Variants in C8orf34 observed in about 807,000 individuals in gnomAD.
The protein encoded by C8orf34 is chromosome 8 open reading frame 34.
In C8orf34, 65 loss-of-function variants were observed where a neutral mutation model predicts 68.3. The ratio of observed to expected loss-of-function variants is 0.95; its 90% CI spans 0.78 to 1.17. C8orf34 has a LOEUF of 1.17. Among genes scored for constraint, C8orf34 ranks in the 50% most tolerant of loss-of-function variants. The probability of loss-of-function intolerance (pLI) is 0.00; values close to 1 mark genes in which losing one functional copy is unlikely to be tolerated. For synonymous variants in C8orf34, 244 were observed against 241.2 expected (o/e 1.01, Z -0.11); for missense variants, 664 against 655.4 (o/e 1.01, Z -0.14).
At chr8:68,340,202 A>G (rs1225581687) in intron 1 of C8orf34, among the ~76,000 whole-genome samples, 1 of 152,140 alleles carries the variant, frequency 6.6e-6, no homozygotes, top group Non-Finnish European at 1.5e-5. Context: ...AAGTTTGGCA[A>G]GTGAGGTTTA....
At chr8:68,699,162 T>C (rs1820917935) in intron 8 of C8orf34, among the ~76,000 whole-genome samples, 1 of 151,400 alleles carries the variant, frequency 6.6e-6, no homozygotes, top group African/African-American at 2.4e-5. Flanking sequence ...GATTTCAAGG[T>C]GTCCTAAAAT....
At chr8:68,581,801 C>T (rs2130352755) in intron 7 of C8orf34, among the ~76,000 whole-genome samples, 1 of 152,192 alleles carries the variant, frequency 6.6e-6, no homozygotes, top group South Asian at 2.1e-4. Flanking sequence ...GGCAAGAATC[C>T]TTTATCATTG....
intron 9 of C8orf34, among the ~76,000 whole-genome samples, chr8:68,720,029 C>T (rs1390702856): frequency 1.3e-5 from 2 of 151,912 alleles, no homozygotes; most frequent in African/African-American, 4.8e-5. Context: ...GCTAGAGCTT[C>T]AAGTATTCTT....
At chr8:68,814,316 A>G (rs1239197332) in intron 12 of C8orf34, among the ~76,000 whole-genome samples, 1 of 152,218 alleles carries the variant, frequency 6.6e-6, no homozygotes, top group African/African-American at 2.4e-5. Context: ...CCTCTGGCTG[A>G]TTCTTATACA....
At chr8:68,331,783 CTTTTTTTTT>C (rs552564162) in intron 1 of C8orf34, among the ~76,000 whole-genome samples, 414 of 29,508 alleles carry the variant, frequency 0.014, 10 homozygotes, top group African/African-American at 0.038. Context: ...TTCTTTCCTT[CTTTTTTTTT>C]TTTTTTTTTT....
chr8:68,721,990 C>A (rs2129526487), intron 10 of C8orf34, among the ~76,000 whole-genome samples: 1 of 152,080 alleles, frequency 6.6e-6, no homozygotes, highest in East Asian at 1.9e-4. Flanking sequence ...ATCGCTTTAT[C>A]TTAAATGTAA....
chr8:68,673,422 G>T (rs373417726), intron 8 of C8orf34, among the ~76,000 whole-genome samples: 4 of 152,150 alleles, frequency 2.6e-5, no homozygotes, highest in African/African-American at 9.6e-5. Flanking sequence ...TTAAAGGAGG[G>T]TCCAGCCCTG....
At chr8:68,538,031 A>T (rs1283993903) in intron 7 of C8orf34, among the ~76,000 whole-genome samples, 1 of 152,174 alleles carries the variant, frequency 6.6e-6, no homozygotes, top group African/African-American at 2.4e-5. Context: ...CCATAAACAA[A>T]TTATTGACAA....
At chr8:68,466,738 C>CATATATATATATATGTGTAT (rs566438333) in intron 3 of C8orf34, among the ~76,000 whole-genome samples, 12 of 120,630 alleles carry the variant, frequency 9.9e-5, no homozygotes, top group African/African-American at 4.4e-4. Context: ...CAACGTTGTA[C>CATATATATATATATGTGTAT]ATATATATAT....
chr8:68,651,410 T>A (rs145344154), intron 8 of C8orf34, among the ~76,000 whole-genome samples: 9 of 152,354 alleles, frequency 5.9e-5, no homozygotes, highest in Non-Finnish European at 1.3e-4. Flanking sequence ...AAGACTTTGC[T>A]GTGGCCTTCA....
intron 5 of C8orf34, among the ~76,000 whole-genome samples, chr8:68,497,171 A>G (rs1011954669): frequency 6.6e-6 from 1 of 152,214 alleles, no homozygotes; most frequent in Admixed American, 6.5e-5. Context: ...GCTTCTAAAA[A>G]CAGAGAATAA....
At chr8:68,531,405 A>G (rs559411023) in intron 6 of C8orf34, among the ~76,000 whole-genome samples, 3 of 152,176 alleles carry the variant, frequency 2.0e-5, no homozygotes, top group Non-Finnish European at 2.9e-5. Flanking sequence ...TTTTTATGAC[A>G]TTTACATTCT....
intron 10 of C8orf34, among the ~76,000 whole-genome samples, chr8:68,731,604 A>G (rs1821979944): frequency 6.6e-6 from 1 of 151,890 alleles, no homozygotes; most frequent in Admixed American, 6.6e-5. Flanking sequence ...TTTTCCCACT[A>G]TGGTTTTGTT....
intron 9 of C8orf34, among the ~76,000 whole-genome samples, chr8:68,712,126 A>C (rs1821344679): frequency 6.6e-6 from 1 of 152,212 alleles, no homozygotes; most frequent in Non-Finnish European, 1.5e-5. Context: ...TTTTCCAGAC[A>C]AATAAATGCT....
chr8:68,493,348 A>G (rs560334294), intron 5 of C8orf34, among the ~76,000 whole-genome samples: 1 of 152,306 alleles, frequency 6.6e-6, no homozygotes, highest in South Asian at 2.1e-4. Flanking sequence ...AAGATGATGT[A>G]CAGATGACCA....
chr8:68,688,880 G>C (rs1820605091), intron 8 of C8orf34, among the ~76,000 whole-genome samples: 1 of 151,890 alleles, frequency 6.6e-6, no homozygotes, highest in African/African-American at 2.4e-5. Flanking sequence ...ATGCAGTTGG[G>C]GCTTAATACC....
intron 1 of C8orf34, among the ~76,000 whole-genome samples, chr8:68,437,609 T>A (rs1278899573): frequency 1.3e-5 from 2 of 152,208 alleles, no homozygotes; most frequent in African/African-American, 4.8e-5. Context: ...ACTTTACAAT[T>A]ACCTTCACAA....
At chr8:68,506,839 A>G (rs1814045867) in intron 5 of C8orf34, among the ~76,000 whole-genome samples, 1 of 152,040 alleles carries the variant, frequency 6.6e-6, no homozygotes, top group African/African-American at 2.4e-5. Flanking sequence ...TCTCTTTTTT[A>G]ATATGGTGAG....
intron 1 of C8orf34, among the ~76,000 whole-genome samples, chr8:68,357,053 C>A (rs1806780294): frequency 6.6e-6 from 1 of 151,840 alleles, no homozygotes; most frequent in Admixed American, 6.6e-5. Flanking sequence ...CTTTAATTTT[C>A]TTTTATTTCT....
Sources: allele counts gnomAD v4.1 joint callset (sites outside exome capture counted in the v4.1 genomes callset), GRCh38; gene constraint gnomAD v4.1.1; transcripts MANE v1.5; gene names NCBI Gene and HGNC (gene_info 2026-07-23, HGNC 2026-07-21).